The following COL16A1 variants were observed in gnomAD, a reference collection of about 807,000 sequenced individuals.
The protein encoded by COL16A1 is collagen type XVI alpha 1 chain.
In COL16A1, 189 loss-of-function variants were observed where a neutral mutation model predicts 266.3. The observed-to-expected ratio is 0.71, with a 90% CI of 0.63 to 0.80. The LOEUF (loss-of-function observed/expected upper bound fraction) is 0.80. Ranked by LOEUF, COL16A1 falls within the 30% of genes least tolerant of loss-of-function variation. The probability of loss-of-function intolerance (pLI) is 0.00; values close to 1 mark genes in which losing one functional copy is unlikely to be tolerated. For missense variants in COL16A1, 1,928 were observed against 2,122.4 expected (o/e 0.91, Z 1.80); for synonymous variants, 740 against 782.3 (o/e 0.95, Z 0.90).
At chr1:31,701,969 C>T in intron 2 of COL16A1, 152 bp downstream of exon 2, 3 of 1,177,300 alleles carry the variant, frequency 2.5e-6, no homozygotes, top group East Asian at 5.1e-5. Context: ...TCAAGGGTGC[C>T]AACACCTCAG....
In COL16A1 at chr1:31,670,963, T is replaced by C. The variant is rs946378406; in HGVS notation, c.3151-317A>G. 2.0e-4 allele frequency among the ~76,000 whole-genome samples: 30 copies of C among 152,178 alleles called. No individual in the cohort carries two copies. The highest frequency in any genetic ancestry group is 6.8e-4 in the African/African-American group (28 of 41,446). On this transcript the variant is annotated intron_variant, in intron 48 of 70. Transcript: ENST00000373672. This position sits in a 1 kb window ranked among gnomAD's most constrained non-coding sequence, Gnocchi z 4.5. ...TTCTTTCAGCCTTGCCCACCATGCC[T>C]GCCACCCGACCTCCACCTGTCCCCC...
intron 52 of COL16A1, 138 bp downstream of exon 52, chr1:31,667,437 C>T: frequency 2.9e-6 from 2 of 690,232 alleles, no homozygotes; most frequent in South Asian, 3.8e-5. Flanking sequence ...CAGCACCCAG[C>T]CTGTGCTGCA....
rs373959947 is a variant in COL16A1 at position 31,699,917 on chromosome 1, G to T, written c.162C>A (p.Ile54=). 18 of 1,612,880 alleles carry T rather than the reference G, an allele frequency of 1.1e-5. No homozygotes were observed. Among genetic ancestry groups the T allele is most frequent in the Non-Finnish European group, 1.4e-5 (16 of 1,178,784 alleles). ...ACGTCTTCATGAGGCTGAGTCGGTGGATGAGGTTGAAGCCTTTGGGGGAGA... is the reference window on the plus strand; with the variant it reads ...ACGTCTTCATGAGGCTGAGTCGGTGTATGAGGTTGAAGCCTTTGGGGGAGA... ...LPANVTGFNL[I]HRLSLMKTSA... Residue 54 remains isoleucine (I), a synonymous_variant, in exon 4 of 71, where the codon ATC becomes ATA. Transcript: ENST00000373672.
chr1:31,687,697 T>C (rs1050239917), intron 26 of COL16A1, among the ~76,000 whole-genome samples: 13 of 148,892 alleles, frequency 8.7e-5, no homozygotes, highest in Non-Finnish European at 3.0e-5. Context: ...GGGCTGGCTG[T>C]GAGCTGATGA....
At chr1:31,662,102 G>T (rs1641720678) in intron 58 of COL16A1, among the ~76,000 whole-genome samples, 1 of 152,142 alleles carries the variant, frequency 6.6e-6, no homozygotes, top group Admixed American at 6.5e-5. Flanking sequence ...TCCTGCCTTT[G>T]GTGAGACCTA....
chr1:31,691,223 C>A lies in COL16A1; in HGVS notation c.1402G>T (p.Asp468Tyr), dbSNP rs563104033. ...TTGGGGCCTGGTGGGCCACCTGGATCCCCCTGAGGGCAGAAACAGAGTCAC... is the reference window on the plus strand; with the variant it reads ...TTGGGGCCTGGTGGGCCACCTGGATACCCCTGAGGGCAGAAACAGAGTCAC... ...PGIGLPGTPG[D>Y]PGGPPGPKGD... Residue 468 changes from aspartate to tyrosine, a missense_variant, in exon 20 of 71, where the codon GAT becomes TAT. Coordinates refer to ENST00000373672, the MANE Select transcript of COL16A1 (RefSeq NM_001856.4). 1.9e-6 allele frequency: 3 copies of A among 1,613,956 alleles called. No homozygotes were observed. Among genetic ancestry groups the A allele is most frequent in the Middle Eastern group, 1.7e-4 (1 of 6,060 alleles).
chr1:31,666,604 C>T (rs1018419675), intron 52 of COL16A1, among the ~76,000 whole-genome samples: 41 of 151,848 alleles, frequency 2.7e-4, no homozygotes, highest in Non-Finnish European at 4.4e-5. Flanking sequence ...ATGCCCCCTT[C>T]CCCCCTTCCT....
rs751369573 is a variant in COL16A1, at chr1:31,683,346, C to G, written c.2403G>C (p.Leu801Phe). The change falls in exon 35 of 71, where the codon TTG becomes TTC. Residue 801 changes from leucine to phenylalanine, a missense_variant. Physicochemically the swap from Leu to Phe is conservative, Grantham distance 22. Coordinates refer to ENST00000373672, the MANE Select transcript of COL16A1 (RefSeq NM_001856.4). Reference sequence around the variant, plus strand: ...CAGGCAGACGTACCTGAATGCCAGGCAAACCCGGGGCTCCAGGCTCCCCCT... The same window carrying G: ...CAGGCAGACGTACCTGAATGCCAGGGAAACCCGGGGCTCCAGGCTCCCCCT... Reference protein sequence around the residue: ...GPQGEPGAPGLPGIQGLPGPR... With the variant: ...GPQGEPGAPGFPGIQGLPGPR... The G allele has an allele frequency of 1.9e-6, 3 of 1,614,188 alleles. No individual in the cohort carries two copies. The highest frequency in any genetic ancestry group is 2.2e-5 in the South Asian group (2 of 91,090).
In COL16A1 at chr1:31,658,566, TC is replaced by T; in HGVS notation, c.3941del (p.Gly1314GlufsTer121). On this transcript the variant is annotated frameshift_variant, in exon 64 of 71. Transcript: ENST00000373672. LOFTEE classifies it high-confidence loss of function. Reference sequence around the variant, plus strand: ...CCCTTTCTCCGGTGGCTCCTCGGTCTCCTTTCAGACCCTAGAGAATAGGAAG... The same window carrying T: ...CCCTTTCTCCGGTGGCTCCTCGGTCTCTTTCAGACCCTAGAGAATAGGAAG... Reference protein sequence around the residue: ...PAGISAVGLKGDRGATGERGL... With the variant: ...PAGISAVGLKXDRGATGERGL... The T allele has an allele frequency of 6.2e-7, 1 of 1,603,784 alleles. No homozygotes were observed. The highest frequency in any genetic ancestry group is 8.5e-7 in the Non-Finnish European group (1 of 1,176,168).
intron 10 of COL16A1, 88 bp downstream of exon 10, chr1:31,695,673 A>G (rs2148821062): frequency 7.9e-7 from 1 of 1,263,920 alleles, no homozygotes; most frequent in South Asian, 1.2e-5. Flanking sequence ...GTCAGCCAGC[A>G]CCCCTATGCT....
chr1:31,660,638 C>G lies in COL16A1; in HGVS notation c.3826G>C (p.Gly1276Arg). ...PGSTGRPGAE[G>R]EPGAMGPQGR... is the part of the protein sequence containing the mutation. ...TGGGGTCCCATGGCACCAGGTTCAC[C>G]CTGCAGGAGCCAGAAAAAGGAAAAA... is the stretch of plus-strand genomic sequence containing the variant. The change falls in exon 62 of 71, where the codon GGT becomes CGT. Residue 1276 changes from glycine (G) to arginine (R), a missense_variant and splice_region_variant. Around this residue, in one of 2 missense-constraint regions of COL16A1, gnomAD observed 376 missense variants for 485.2 expected, o/e 0.77. Coordinates refer to ENST00000373672, the MANE Select transcript of COL16A1 (RefSeq NM_001856.4). 6.2e-7 allele frequency: 1 copy of G among 1,614,090 alleles called. No individual in the cohort carries two copies. The highest frequency in any genetic ancestry group is 8.5e-7 in the Non-Finnish European group (1 of 1,179,958).
At chr1:31,676,260 G>A (rs568022573) in intron 42 of COL16A1, among the ~76,000 whole-genome samples, 1 of 150,800 alleles carries the variant, frequency 6.6e-6, no homozygotes, top group South Asian at 2.1e-4. Context: ...GGGAGATGGA[G>A]GTTGCAGTGA....
chr1:31,697,789 A>G lies in COL16A1; in HGVS notation c.657+117T>C. On this transcript the variant is annotated intron_variant, in intron 6 of 70. Coordinates refer to ENST00000373672, the MANE Select transcript of COL16A1 (RefSeq NM_001856.4). This position sits in a 1 kb window ranked among gnomAD's most constrained non-coding sequence, Gnocchi z 4.2. ...GTTTAGGCTGCATTTGGAGGGCAAC[A>G]GGAAAGCAGGGGAAGATTCTAAGCA... 1 of 1,274,390 alleles carries G rather than the reference A, an allele frequency of 7.8e-7. No homozygotes were observed. Among genetic ancestry groups the G allele is most frequent in the South Asian group, 1.4e-5 (1 of 69,794 alleles). The allele number at this position is 1,274,390 out of a possible 1,614,324, so 78.9% of individuals were successfully genotyped here.
At chr1:31,661,745 C>T (rs2148668603) in intron 58 of COL16A1, 41 bp from the exon 59 acceptor site, 2 of 1,582,224 alleles carry the variant, frequency 1.3e-6, no homozygotes, top group South Asian at 1.2e-5. Context: ...AGAGTTTTGC[C>T]CAGCTTGTAT....
rs145204978 is a variant in COL16A1 at position 31,655,512 on chromosome 1, T to C, written c.4102-10A>G. 15,352 of 1,613,200 alleles carry C rather than the reference T, an allele frequency of 9.5e-3. 90 individuals carry two copies. Among genetic ancestry groups the C allele is most frequent in the Non-Finnish European group, 0.01 (12,355 of 1,179,444 alleles). On this transcript the variant is annotated splice_polypyrimidine_tract_variant and intron_variant, in intron 66 of 70. Transcript: ENST00000373672. ...CAGCTCCTGGATCACCCTACAAAGA[T>C]AGATACTTAGTGCTGTCAAATTTAC...
At chr1:31,689,133 C>A (rs1644135945) in intron 23 of COL16A1, 48 bp from the exon 24 acceptor site, 2 of 1,611,814 alleles carry the variant, frequency 1.2e-6, no homozygotes, top group East Asian at 2.2e-5. Context: ...CGATGGGGCA[C>A]CCCCAAACTC....
intron 26 of COL16A1, 87 bp from the exon 27 acceptor site, chr1:31,686,366 C>T (rs752447116): frequency 2.6e-6 from 4 of 1,557,292 alleles, no homozygotes; most frequent in Non-Finnish European, 3.5e-6. Flanking sequence ...TAAAAGCAAC[C>T]CCTTCAGATG....
chr1:31,662,501 A>G, intron 57 of COL16A1, 86 bp downstream of exon 57: 1 of 1,542,476 alleles, frequency 6.5e-7, no homozygotes, highest in Non-Finnish European at 8.8e-7. Context: ...ACCTCAGCAC[A>G]CACACACAGG....
intron 2 of COL16A1, chr1:31,701,543 C>T (rs1306416524): frequency 2.0e-6 from 2 of 985,304 alleles, no homozygotes; most frequent in Non-Finnish European, 2.4e-6. Flanking sequence ...CGGTCAACTT[C>T]CCCTGGCTTT....
Sources: allele counts gnomAD v4.1 joint callset (sites outside exome capture counted in the v4.1 genomes callset), GRCh38; gene constraint gnomAD v4.1.1; regional missense constraint gnomAD v4.1.1; non-coding constraint Gnocchi (gnomAD v3.1); transcripts MANE v1.5; gene names NCBI Gene and HGNC (gene_info 2026-07-23, HGNC 2026-07-21).